The following DENND1A variants were observed in gnomAD, a reference collection of about 807,000 sequenced individuals.
DENND1A encodes DENN domain containing 1A.
A neutral mutation model predicts 113.7 loss-of-function variants in DENND1A; 51 were observed. That is an observed-to-expected ratio of 0.45 (90% confidence interval 0.36 to 0.57). The LOEUF is 0.57. Ranked by LOEUF, DENND1A falls within the 20% of genes least tolerant of loss-of-function variation. The pLI is 0.00. For synonymous variants in DENND1A, 565 were observed against 570.8 expected (o/e 0.99, Z 0.14); for missense variants, 1,258 against 1,395.9 (o/e 0.90, Z 1.57).
intron 12 of DENND1A, among the ~76,000 whole-genome samples, chr9:123,560,829 C>T (rs1040201225): frequency 6.6e-6 from 1 of 152,096 alleles, no homozygotes; most frequent in Non-Finnish European, 1.5e-5. Flanking sequence ...ATCCGGGTAT[C>T]TATAACTGAT....
rs747169424 is a variant in DENND1A, at chr9:123,630,370, C to G, written c.719+6G>C. On this transcript the variant is annotated splice_donor_region_variant and intron_variant, in intron 10 of 23. Coordinates refer to ENST00000394215, the MANE Select transcript of DENND1A (RefSeq NM_001352964.2). ...GAGAAGCAGAGGACAGGGCCAGCCA[C>G]CTTACCAGCAGTAGTCCAGCAGATG... The G allele has an allele frequency of 6.3e-7, 1 of 1,586,918 alleles. No individual in the cohort carries two copies. Among genetic ancestry groups the G allele is most frequent in the Non-Finnish European group, 8.6e-7 (1 of 1,163,284 alleles).
In DENND1A at chr9:123,683,551, T is replaced by C. The variant is rs929919420; in HGVS notation, c.303-6762A>G. Among the ~76,000 whole-genome samples, 12 of 152,240 alleles carry C rather than the reference T, an allele frequency of 7.9e-5. No individual in the cohort carries two copies. The East Asian group carries it at 2.1e-3, about 27-fold the overall frequency. ...TTTGTTGAGGTAAATTTATACTTTTTTATACTTTTTCTAGATAAAATCCTA... is the reference window on the plus strand; with the variant it reads ...TTTGTTGAGGTAAATTTATACTTTTCTATACTTTTTCTAGATAAAATCCTA... On this transcript the variant is annotated intron_variant, in intron 5 of 23. Transcript: ENST00000394215.
intron 11 of DENND1A, among the ~76,000 whole-genome samples, chr9:123,597,488 T>C (rs1564790392): frequency 6.6e-6 from 1 of 152,124 alleles, no homozygotes; most frequent in East Asian, 1.9e-4. Flanking sequence ...CTTTAAGATC[T>C]AGGAAAAATA....
intron 12 of DENND1A, 71 bp downstream of exon 12, chr9:123,583,098 T>C (rs918232809): frequency 8.5e-7 from 1 of 1,174,550 alleles, no homozygotes; most frequent in African/African-American, 1.6e-5. Flanking sequence ...TCCTTCCCCA[T>C]TCCCCAAAGT....
At chr9:123,560,464 A>G (rs1395057965) in intron 12 of DENND1A, among the ~76,000 whole-genome samples, 2 of 152,132 alleles carry the variant, frequency 1.3e-5, no homozygotes, top group Non-Finnish European at 2.9e-5. Flanking sequence ...AGGCAGGAGG[A>G]TCGTTTGAGG....
intron 21 of DENND1A, among the ~76,000 whole-genome samples, chr9:123,393,715 T>C (rs916197258): frequency 5.3e-5 from 8 of 152,200 alleles, no homozygotes; most frequent in African/African-American, 1.4e-4. Context: ...AGGAAGCTAC[T>C]GTACATAGGA....
At chr9:123,750,198 G>A (rs915275781) in intron 5 of DENND1A, among the ~76,000 whole-genome samples, 8 of 152,148 alleles carry the variant, frequency 5.3e-5, no homozygotes, top group African/African-American at 1.4e-4. Flanking sequence ...GGGCAGTTTC[G>A]GCTATTTCTC....
intron 2 of DENND1A, among the ~76,000 whole-genome samples, chr9:123,825,340 A>G (rs1839151561): frequency 6.6e-6 from 1 of 152,082 alleles, no homozygotes; most frequent in Non-Finnish European, 1.5e-5. Flanking sequence ...AAAGAAAAGA[A>G]AAAAGAAGAA....
At chr9:123,574,842 A>C (rs2058550813) in intron 12 of DENND1A, among the ~76,000 whole-genome samples, 1 of 152,210 alleles carries the variant, frequency 6.6e-6, no homozygotes, top group Admixed American at 6.5e-5. Flanking sequence ...TTACCACCAC[A>C]CATTTGTCAA....
chr9:123,537,636 C>CA (rs573703361), intron 13 of DENND1A, among the ~76,000 whole-genome samples: 53 of 144,158 alleles, frequency 3.7e-4, no homozygotes, highest in African/African-American at 1.3e-3. Flanking sequence ...AACTTAAAAA[C>CA]AAAAAAACAA....
At position 123,687,868 on chromosome 9, in the gene DENND1A, G is replaced by A. The variant is rs116646180; in HGVS notation, c.303-11079C>T. On this transcript the variant is annotated intron_variant, in intron 5 of 23. Transcript: ENST00000394215. Reference sequence around the variant, plus strand: ...CTATCTAATTTTGCAGCAGACCTGGGTCAGGCTGAGGGAAGCAAAATTATT... The same window carrying A: ...CTATCTAATTTTGCAGCAGACCTGGATCAGGCTGAGGGAAGCAAAATTATT... 5.1e-3 allele frequency among the ~76,000 whole-genome samples: 772 copies of A among 152,300 alleles called. 5 individuals carry two copies. The highest frequency in any genetic ancestry group is 0.018 in the African/African-American group (741 of 41,554).
At chr9:123,584,586 C>T (rs1459107705) in intron 11 of DENND1A, among the ~76,000 whole-genome samples, 1 of 152,236 alleles carries the variant, frequency 6.6e-6, no homozygotes, top group Non-Finnish European at 1.5e-5. Flanking sequence ...TAGAAGCTTC[C>T]TAGCTCTTGC....
At chr9:123,820,503 T>G (rs1227610949) in intron 2 of DENND1A, among the ~76,000 whole-genome samples, 1 of 152,174 alleles carries the variant, frequency 6.6e-6, no homozygotes, top group African/African-American at 2.4e-5. Flanking sequence ...ACGTGTGAGC[T>G]GAATTCATCT....
chr9:123,923,146 TA>T (rs1432036216), intron 1 of DENND1A, among the ~76,000 whole-genome samples: 1 of 152,226 alleles, frequency 6.6e-6, no homozygotes, highest in Non-Finnish European at 1.5e-5. Context: ...ACAGATTTAA[TA>T]ACTCAATGCA....
intron 5 of DENND1A, among the ~76,000 whole-genome samples, chr9:123,717,753 C>G (rs774265474): frequency 1.3e-5 from 2 of 152,206 alleles, no homozygotes; most frequent in African/African-American, 2.4e-5. Flanking sequence ...AGAGGTTGCC[C>G]TGTGTCCACT....
intron 17 of DENND1A, 73 bp downstream of exon 17, chr9:123,452,203 T>A: frequency 7.1e-7 from 1 of 1,406,122 alleles, no homozygotes; most frequent in Non-Finnish European, 1.0e-6. Flanking sequence ...CAAAAGTAAG[T>A]AAATAAATAA....
At chr9:123,469,739 A>C (rs372512263) in intron 13 of DENND1A, among the ~76,000 whole-genome samples, 3 of 152,360 alleles carry the variant, frequency 2.0e-5, no homozygotes, top group Admixed American at 1.3e-4. Flanking sequence ...CTAAACCAGC[A>C]CTGGGTGGTT....
At chr9:123,644,659 G>A (rs915017988) in intron 9 of DENND1A, among the ~76,000 whole-genome samples, 9 of 152,290 alleles carry the variant, frequency 5.9e-5, no homozygotes, top group African/African-American at 1.4e-4. Flanking sequence ...CATGCACTTC[G>A]AAGGGGCTAC....
chr9:123,427,427 A>C (rs774736986), intron 19 of DENND1A, among the ~76,000 whole-genome samples: 5 of 152,222 alleles, frequency 3.3e-5, no homozygotes, highest in Non-Finnish European at 7.3e-5. Context: ...TCCAGAAGCT[A>C]TCGCAGGCAA....
Sources: gnomAD v4.1 joint callset for allele counts (sites outside exome capture counted in the v4.1 genomes callset) on GRCh38, gnomAD v4.1.1 for gene constraint, MANE v1.5 for transcripts, NCBI Gene and HGNC (gene_info 2026-07-23, HGNC 2026-07-21) for gene names.